The following GRIN1 variants were observed in gnomAD, a reference collection of about 807,000 sequenced individuals.
The protein encoded by GRIN1 is glutamate receptor ionotropic, NMDA 1.
In GRIN1, 38 loss-of-function variants were observed where a neutral mutation model predicts 103.0. The ratio of observed to expected loss-of-function variants is 0.37; its 90% CI spans 0.28 to 0.48. The LOEUF is 0.48. Among genes scored for constraint, GRIN1 ranks in the 20% least tolerant of loss-of-function variants. GRIN1 has a pLI of 0.98. For synonymous variants in GRIN1, 544 were observed against 532.7 expected, an observed-to-expected ratio of 1.02 and a Z score of -0.29; for missense variants, 577 against 1,288.9, an observed-to-expected ratio of 0.45 and a Z score of 8.46.
chr9:137,141,894 C>A lies in GRIN1; in HGVS notation c.259-119C>A, dbSNP rs1832186540. The A allele has an allele frequency of 1.6e-5, 17 of 1,072,494 alleles. 1 individual carries two copies. In the South Asian group the frequency reaches 2.0e-4, roughly 13 times the overall value. The allele number at this position is 1,072,494 out of a possible 1,614,324, so 66.4% of individuals were successfully genotyped here. ...CTGGGCATGTAGCATGTACCCGAATCATGCCCCCAGCCCCCCTTAGCCTGC... is the reference window on the plus strand; with the variant it reads ...CTGGGCATGTAGCATGTACCCGAATAATGCCCCCAGCCCCCCTTAGCCTGC... On this transcript the variant is annotated intron_variant, in intron 1 of 19. Coordinates refer to ENST00000371561, the MANE Select transcript of GRIN1 (RefSeq NM_007327.4).
In GRIN1 at chr9:137,148,288, C is replaced by T. The variant is rs1588699546; in HGVS notation, c.571-721C>T. On this transcript the variant is annotated intron_variant, in intron 3 of 19. Transcript: ENST00000371561. ...CTCGGCGCCTCGGCCACTAGGGCCA[C>T]TGTCTGGCCCAGCCGCCGAGCCGCA... The T allele has an allele frequency of 1.2e-5, 12 of 973,388 alleles. No homozygotes were observed. In the East Asian group the frequency reaches 2.9e-4, roughly 24 times the overall value. The allele number at this position is 973,388 out of a possible 1,614,324, so 60.3% of individuals were successfully genotyped here.
chr9:137,161,434 G>A lies in GRIN1; in HGVS notation c.1467+18G>A. ...AGGAGCGGGTAGGCTGGACGGCGGG[G>A]GTGGGGACCAGCGTGAGAGGGGCCT... On this transcript the variant is annotated intron_variant, in intron 10 of 19. Transcript: ENST00000371561. The A allele has an allele frequency of 4.4e-6, 7 of 1,607,190 alleles. No homozygotes were observed. Among genetic ancestry groups the A allele is most frequent in the Non-Finnish European group, 5.9e-6 (7 of 1,177,348 alleles).
intron 2 of GRIN1, among the ~76,000 whole-genome samples, chr9:137,144,400 A>C (rs964090763): frequency 6.7e-6 from 1 of 149,188 alleles, no homozygotes; most frequent in Admixed American, 6.7e-5. Context: ...CACGCCTGTA[A>C]TCCCAGCACT....
intron 4 of GRIN1, 142 bp downstream of exon 4, chr9:137,149,251 C>T: frequency 1.4e-6 from 1 of 695,352 alleles, no homozygotes; most frequent in South Asian, 1.5e-5. Context: ...GCCACCCCCA[C>T]CCCCACCCGC....
chr9:137,163,756 C>T lies in GRIN1; in HGVS notation c.2444-3C>T. 6.2e-7 allele frequency: 1 copy of T among 1,613,790 alleles called. No individual in the cohort carries two copies. Among genetic ancestry groups the T allele is most frequent in the South Asian group, 1.1e-5 (1 of 91,088 alleles). The stretch of plus-strand genomic sequence containing the variant: ...AACTGAGGCTCTGGGTCCCGGCACA[C>T]AGGGGTCTTCATGCTGGTAGCTGGG... On this transcript the variant is annotated splice_polypyrimidine_tract_variant and splice_region_variant and intron_variant, in intron 17 of 19. Coordinates refer to ENST00000371561, the MANE Select transcript of GRIN1 (RefSeq NM_007327.4).
At chr9:137,165,612 C>T (rs530763229) in intron 19 of GRIN1, among the ~76,000 whole-genome samples, 219 of 152,326 alleles carry the variant, frequency 1.4e-3, no homozygotes, top group Middle Eastern at 3.4e-3. Context: ...CACCACCTCT[C>T]GGGGCCAGGT....
intron 8 of GRIN1, 41 bp downstream of exon 8, chr9:137,158,745 A>C (rs1385718934): frequency 2.1e-6 from 3 of 1,426,316 alleles, no homozygotes; most frequent in Non-Finnish European, 3.0e-6. Context: ...CCCACCCCAG[A>C]CAGCCCATCC....
rs113300283 is a variant in GRIN1 at position 137,145,002 on chromosome 9, C to T, written c.394-724C>T. 1.2e-3 allele frequency among the ~76,000 whole-genome samples: 57 copies of T among 49,122 alleles called. No individual in the cohort carries two copies. The Middle Eastern group carries it at 0.047, about 40-fold the overall frequency. The allele number at this position is 49,122 out of a possible 152,430, so 32.2% of individuals were successfully genotyped here. A position where few individuals can be genotyped will look rare whatever the true frequency, so the allele number is the denominator to read the frequency against. The stretch of plus-strand genomic sequence containing the variant: ...GTGAGAGGAAGGGGGTCCCAGGGTC[C>T]AGAAAGTGTCCCCAGAGGGGTGGGG... On this transcript the variant is annotated intron_variant, in intron 2 of 19. Transcript: ENST00000371561.
In GRIN1 at chr9:137,146,930, G is replaced by A. The variant is rs1331159457; in HGVS notation, c.570+1028G>A. Among the ~76,000 whole-genome samples, 1 of 151,994 alleles carries A rather than the reference G, an allele frequency of 6.6e-6. No homozygotes were observed. The highest frequency in any genetic ancestry group is 2.4e-5 in the African/African-American group (1 of 41,368). ...GGGTCCTGGGAGTACTGTCGTGGGGGGTCTGCTGAGTCTTGGGGGGGAGGG... is the reference window on the plus strand; with the variant it reads ...GGGTCCTGGGAGTACTGTCGTGGGGAGTCTGCTGAGTCTTGGGGGGGAGGG... On this transcript the variant is annotated intron_variant, in intron 3 of 19. Transcript: ENST00000371561. The surrounding 1 kb of genome is among the most constrained non-coding windows in gnomAD (Gnocchi z 6.7).
At chr9:137,147,336 G>A (rs1420299258) in intron 3 of GRIN1, among the ~76,000 whole-genome samples, 7 of 151,452 alleles carry the variant, frequency 4.6e-5, no homozygotes, top group Non-Finnish European at 1.0e-4. Context: ...CACACACCTG[G>A]ACACACGCTC....
In GRIN1 at chr9:137,168,010, C is replaced by T. The variant is rs201342150; in HGVS notation, c.*483C>T. On this transcript the variant is annotated 3_prime_UTR_variant, in exon 20 of 20. Transcript: ENST00000371561. ...TGCCTGGCGGGCAGCCCCTGCTGGA[C>T]CAAGGTGCGGACCGGAGCGGCTGAG... 2 of 699,846 alleles carry T rather than the reference C, an allele frequency of 2.9e-6. No homozygotes were observed. Among genetic ancestry groups the T allele is most frequent in the Non-Finnish European group, 5.0e-6 (2 of 397,668 alleles). The allele number at this position is 699,846 out of a possible 1,614,324, so 43.4% of individuals were successfully genotyped here.
At chr9:137,142,545 C>T (rs1461495832) in intron 2 of GRIN1, among the ~76,000 whole-genome samples, 1 of 152,210 alleles carries the variant, frequency 6.6e-6, no homozygotes, top group East Asian at 1.9e-4. Context: ...CACACATGAA[C>T]ACTGACACAC....
At chr9:137,151,228 GAAAGCCCTGCCCAGAAA>G (rs1212922424) in intron 4 of GRIN1, among the ~76,000 whole-genome samples, 9 of 132,282 alleles carry the variant, frequency 6.8e-5, no homozygotes, top group Non-Finnish European at 1.4e-4. Flanking sequence ...CGCGCCTGGT[GAAAGCCCTGCCCAGAAA>G]AAAGACCAGC....
chr9:137,162,719 A>T lies in GRIN1; in HGVS notation c.1993A>T (p.Thr665Ser). 1.2e-6 allele frequency: 2 copies of T among 1,605,772 alleles called. No individual in the cohort carries two copies. Among genetic ancestry groups the T allele is most frequent in the Non-Finnish European group, 1.7e-6 (2 of 1,176,910 alleles). ...GCTGGACCGGCCGGAGGAGCGCATC[A>T]CGGGCATCAACGACCCTCGGGTGAG... is the stretch of plus-strand genomic sequence containing the variant. The part of the protein sequence containing the change: ...LVLDRPEERI[T>S]GINDPRLRNP... The change falls in exon 14 of 20, where the codon ACG becomes TCG. Residue 665 changes from threonine (T) to serine (S), a missense_variant. Around this residue, in one of 9 missense-constraint regions of GRIN1, gnomAD observed 59 missense variants for 161.3 expected, o/e 0.37. Coordinates refer to ENST00000371561, the MANE Select transcript of GRIN1 (RefSeq NM_007327.4).
intron 4 of GRIN1, among the ~76,000 whole-genome samples, chr9:137,153,295 ACACACCATAGT>A (rs1320111066): frequency 1.3e-4 from 20 of 151,488 alleles, no homozygotes; most frequent in Non-Finnish European, 2.1e-4. Context: ...ATGTATGTAC[ACACACCATAGT>A]CACACCATGC....
intron 4 of GRIN1, among the ~76,000 whole-genome samples, chr9:137,155,559 A>G (rs1833167777): frequency 6.6e-6 from 1 of 152,222 alleles, no homozygotes; most frequent in African/African-American, 2.4e-5. Flanking sequence ...TCCAACACTC[A>G]GGCAATCCAC....
At chr9:137,145,957 C>T (rs892982257) in intron 3 of GRIN1, 55 bp downstream of exon 3, 182 of 1,308,120 alleles carry the variant, frequency 1.4e-4, no homozygotes, top group Middle Eastern at 6.0e-4. Flanking sequence ...CAGGACGGGC[C>T]GCCTTGTGTC....
chr9:137,158,983 G>A (rs1833385164), intron 8 of GRIN1, among the ~76,000 whole-genome samples: 1 of 152,186 alleles, frequency 6.6e-6, no homozygotes, highest in South Asian at 2.1e-4. Flanking sequence ...TGTCTGACAG[G>A]ACCCTGCTGG....
intron 4 of GRIN1, among the ~76,000 whole-genome samples, chr9:137,149,359 T>C (rs1832715093): frequency 6.6e-6 from 1 of 152,014 alleles, no homozygotes; most frequent in Middle Eastern, 3.4e-3. Context: ...GCTGCTGCCC[T>C]GAGCTGGGCT....
Sources: gnomAD v4.1 joint callset for allele counts (sites outside exome capture counted in the v4.1 genomes callset) on GRCh38, gnomAD v4.1.1 for gene constraint, gnomAD v4.1.1 regional missense constraint, Gnocchi (gnomAD v3.1) non-coding constraint, MANE v1.5 for transcripts, NCBI Gene and HGNC (gene_info 2026-07-23, HGNC 2026-07-21) for gene names.